The following NFATC3 variants were observed in gnomAD, a reference collection of about 807,000 sequenced individuals.
NFATC3 encodes the protein nuclear factor of activated T-cells, cytoplasmic 3.
A neutral mutation model predicts 98.6 loss-of-function variants in NFATC3; 46 were observed. The ratio of observed to expected loss-of-function variants is 0.47; its 90% confidence interval spans 0.37 to 0.60. The LOEUF (loss-of-function observed/expected upper bound fraction) is 0.60. Among genes scored for constraint, NFATC3 ranks in the 20% least tolerant of loss-of-function variants. NFATC3 has a pLI of 0.00. For missense variants in NFATC3, 1,256 were observed against 1,295.5 expected (o/e 0.97, Z 0.47); for synonymous variants, 512 against 472.2 (o/e 1.08, Z -1.09).
chr16:68,144,503 TATC>T (rs1555517346), intron 3 of NFATC3, among the ~76,000 whole-genome samples: 1 of 152,112 alleles, frequency 6.6e-6, no homozygotes, highest in Non-Finnish European at 1.5e-5. Context: ...GTATTATCAT[TATC>T]ATCATCATTA....
At chr16:68,098,271 C>CTATTAT (rs1314480778) in intron 1 of NFATC3, among the ~76,000 whole-genome samples, 23 of 123,588 alleles carry the variant, frequency 1.9e-4, no homozygotes, top group Non-Finnish European at 2.3e-4. Flanking sequence ...AACTTTTTGT[C>CTATTAT]TATTATTATT....
At chr16:68,173,616 G>A in intron 5 of NFATC3, among the ~76,000 whole-genome samples, 1 of 152,100 alleles carries the variant, frequency 6.6e-6, no homozygotes, top group Non-Finnish European at 1.5e-5. Flanking sequence ...CTTACTTGGT[G>A]TTTGTCTAGT....
chr16:68,174,569 A>G, intron 6 of NFATC3, 55 bp downstream of exon 6: 1 of 1,352,168 alleles, frequency 7.4e-7, no homozygotes, highest in Non-Finnish European at 9.7e-7. Flanking sequence ...GGTAAAATAA[A>G]TTATTTAGAT....
chr16:68,189,667 T>G (rs957604699), intron 8 of NFATC3, among the ~76,000 whole-genome samples: 1 of 152,198 alleles, frequency 6.6e-6, no homozygotes, highest in Non-Finnish European at 1.5e-5. Context: ...ATTTAGAGCT[T>G]CTTTAATTTC....
chr16:68,167,569 A>G (rs999442559), intron 5 of NFATC3, among the ~76,000 whole-genome samples: 4 of 152,116 alleles, frequency 2.6e-5, no homozygotes, highest in African/African-American at 7.2e-5. Flanking sequence ...GGAACTGTGG[A>G]TCTTGGGCAG....
At chr16:68,120,572 GAAAAAAA>G (rs1196341717) in intron 1 of NFATC3, among the ~76,000 whole-genome samples, 3 of 83,654 alleles carry the variant, frequency 3.6e-5, no homozygotes, top group Non-Finnish European at 7.4e-5. Flanking sequence ...CTCTGTCTCA[GAAAAAAA>G]AAAAAAAAAA....
intron 4 of NFATC3, among the ~76,000 whole-genome samples, chr16:68,161,989 C>CT (rs1425003350): frequency 6.6e-6 from 1 of 152,126 alleles, no homozygotes. Flanking sequence ...TAATTTATGT[C>CT]CCTTCCTCAA....
chr16:68,132,362 A>G (rs556860497), intron 3 of NFATC3, among the ~76,000 whole-genome samples: 60 of 152,332 alleles, frequency 3.9e-4, no homozygotes, highest in Non-Finnish European at 7.4e-4. Context: ...GCTAACCCAC[A>G]CATACTTTCA....
At chr16:68,140,747 G>A (rs2037709298) in intron 3 of NFATC3, among the ~76,000 whole-genome samples, 1 of 152,038 alleles carries the variant, frequency 6.6e-6, no homozygotes. Context: ...GACAGTGCTG[G>A]TTTAGAAGCC....
At position 68,191,431 on chromosome 16, in the gene NFATC3, G is replaced by T; in HGVS notation, c.2762G>T (p.Gly921Val). 6.2e-7 allele frequency: 1 copy of T among 1,613,968 alleles called. No homozygotes were observed. The highest frequency in any genetic ancestry group is 8.5e-7 in the Non-Finnish European group (1 of 1,180,008). Residue 921 changes from glycine (G) to valine (V), a missense_variant, in exon 9 of 10, where the codon GGG becomes GTG. Physicochemically the swap from Gly to Val is moderately radical, Grantham distance 109. Coordinates refer to ENST00000346183, the MANE Select transcript of NFATC3 (RefSeq NM_173165.3). Reference protein sequence around the residue: ...QPITYGPSHSGSATTASPAAS... With the variant: ...QPITYGPSHSVSATTASPAAS... Reference sequence around the variant, plus strand: ...ATTACATATGGTCCTTCACATTCAGGGTCTGCTACAACAGCTTCCCCAGCA... The same window carrying T: ...ATTACATATGGTCCTTCACATTCAGTGTCTGCTACAACAGCTTCCCCAGCA...
intron 3 of NFATC3, among the ~76,000 whole-genome samples, chr16:68,142,707 G>A (rs2037820473): frequency 6.6e-6 from 1 of 151,904 alleles, no homozygotes; most frequent in Admixed American, 6.6e-5. Context: ...GCAGTGAGCT[G>A]AGATCATGCC....
At chr16:68,108,508 C>T (rs372184794) in intron 1 of NFATC3, among the ~76,000 whole-genome samples, 19 of 152,236 alleles carry the variant, frequency 1.2e-4, no homozygotes, top group East Asian at 3.9e-4. Flanking sequence ...AGTCGGGTAA[C>T]GTGATGCCTC....
rs115012310 is a variant in NFATC3 at position 68,217,851 on chromosome 16, A to G, written c.3107-8499A>G. 1,931 of 1,229,332 alleles carry G rather than the reference A, an allele frequency of 1.6e-3. 28 individuals carry two copies. In the African/African-American group the frequency reaches 0.025, roughly 16 times the overall value. The allele number at this position is 1,229,332 out of a possible 1,614,324, so 76.2% of individuals were successfully genotyped here. A position where few individuals can be genotyped will look rare whatever the true frequency, so the allele number is the denominator to read the frequency against. ...CTTTTGCTCACATTTCATTGAAGAA[A>G]ACGAATTGCATGGGCCATACCTAGC... is the stretch of plus-strand genomic sequence containing the variant. On this transcript the variant is annotated intron_variant, in intron 9 of 9. Transcript: ENST00000346183.
At chr16:68,166,463 T>C (rs1055391860) in intron 4 of NFATC3, among the ~76,000 whole-genome samples, 1 of 152,206 alleles carries the variant, frequency 6.6e-6, no homozygotes, top group African/African-American at 2.4e-5. Context: ...TTACCAGCCT[T>C]CTTCAGTGCT....
intron 4 of NFATC3, among the ~76,000 whole-genome samples, chr16:68,165,883 C>T (rs2039169339): frequency 6.6e-6 from 1 of 152,188 alleles, no homozygotes; most frequent in South Asian, 2.1e-4. Context: ...TTGCTTTATT[C>T]TTCCAATATG....
chr16:68,217,730 A>G (rs2041691742), intron 9 of NFATC3: 1 of 1,231,518 alleles, frequency 8.1e-7, no homozygotes, highest in Non-Finnish European at 1.0e-6. Flanking sequence ...AAGCAGAGAA[A>G]CCACTTAGTC....
intron 9 of NFATC3, among the ~76,000 whole-genome samples, chr16:68,197,465 A>G (rs916182559): frequency 3.9e-5 from 6 of 152,072 alleles, no homozygotes; most frequent in African/African-American, 1.4e-4. Context: ...TAACTTTAAA[A>G]GTCATAGAGC....
At chr16:68,222,296 A>C (rs2041897173) in intron 9 of NFATC3, among the ~76,000 whole-genome samples, 1 of 88,254 alleles carries the variant, frequency 1.1e-5, no homozygotes, top group African/African-American at 7.8e-5. Context: ...TGCCAAAAAA[A>C]AAAAAAAAAA....
intron 3 of NFATC3, among the ~76,000 whole-genome samples, chr16:68,145,811 T>TAC (rs984170713): frequency 6.6e-6 from 1 of 152,170 alleles, no homozygotes; most frequent in Admixed American, 6.5e-5. Context: ...TAAAACTATA[T>TAC]ACACACATAC....
Sources: gnomAD v4.1 joint callset for allele counts (sites outside exome capture counted in the v4.1 genomes callset) on GRCh38, gnomAD v4.1.1 for gene constraint, MANE v1.5 for transcripts, NCBI Gene and HGNC (gene_info 2026-07-23, HGNC 2026-07-21) for gene names.